The following FRMD4A variants were observed in gnomAD, a reference collection of about 807,000 sequenced individuals.
FRMD4A encodes FERM domain containing 4A, also known as FERM domain-containing protein 4A.
A neutral mutation model predicts 129.1 loss-of-function variants in FRMD4A; 29 were observed. The ratio of observed to expected loss-of-function variants is 0.22; its 90% confidence interval spans 0.17 to 0.31. The LOEUF (loss-of-function observed/expected upper bound fraction) is 0.31, where lower values mean the gene tolerates loss of function less well. FRMD4A is among the 10% of genes least tolerant of loss of function. FRMD4A has a pLI of 1.00. For missense variants in FRMD4A, 1,272 were observed against 1,375.8 expected, an observed-to-expected ratio of 0.92 and a Z score of 1.19; for synonymous variants, 634 against 571.6, an observed-to-expected ratio of 1.11 and a Z score of -1.56.
intron 2 of FRMD4A, among the ~76,000 whole-genome samples, chr10:14,181,093 C>T (rs753909615): frequency 2.6e-5 from 4 of 152,186 alleles, no homozygotes; most frequent in Non-Finnish European, 5.9e-5. Flanking sequence ...CCCTTGGAGA[C>T]TTTTCCCTTC....
chr10:14,065,806 C>T (rs1249663389), intron 2 of FRMD4A, among the ~76,000 whole-genome samples: 1 of 152,138 alleles, frequency 6.6e-6, no homozygotes, highest in Non-Finnish European at 1.5e-5. Context: ...CCCTGTGTGT[C>T]CCTGGCTGAA....
intron 3 of FRMD4A, among the ~76,000 whole-genome samples, chr10:13,846,346 C>T (rs1204809214): frequency 6.6e-6 from 1 of 152,168 alleles, no homozygotes; most frequent in Non-Finnish European, 1.5e-5. Flanking sequence ...ATAAAGGATG[C>T]TTACATTTTC....
chr10:14,254,398 A>C (rs1239076918), intron 2 of FRMD4A, among the ~76,000 whole-genome samples: 1 of 152,154 alleles, frequency 6.6e-6, no homozygotes, highest in Non-Finnish European at 1.5e-5. Context: ...TCTGAGGTGG[A>C]AGAAGGACAT....
intron 8 of FRMD4A, among the ~76,000 whole-genome samples, chr10:13,755,797 C>T (rs973386905): frequency 2.3e-4 from 35 of 152,230 alleles, no homozygotes; most frequent in Non-Finnish European, 2.9e-5. Context: ...GATATTCTCT[C>T]ACTTGGACTG....
chr10:14,125,106 A>G (rs1838759432), intron 2 of FRMD4A, among the ~76,000 whole-genome samples: 1 of 152,220 alleles, frequency 6.6e-6, no homozygotes, highest in African/African-American at 2.4e-5. Flanking sequence ...ACCGGAATGC[A>G]GCAGAAGTAA....
chr10:13,854,506 C>T (rs553413007), intron 3 of FRMD4A, among the ~76,000 whole-genome samples: 12 of 152,048 alleles, frequency 7.9e-5, no homozygotes, highest in East Asian at 5.8e-4. Flanking sequence ...CTGCAACCTC[C>T]GCCTCCCAGG....
In FRMD4A at chr10:14,239,621, C is replaced by A. The variant is rs534440098; in HGVS notation, c.45+90437G>T. Among the ~76,000 whole-genome samples the A allele has an allele frequency of 1.4e-4, 21 of 150,426 alleles. No individual in the cohort carries two copies. The East Asian group carries it at 3.7e-3, about 27-fold the overall frequency. ...CAGCCTGGGCGACATAGCGAGACTC[C>A]GTCTCAAGAAAAAACAAACAAACAA... On this transcript the variant is annotated intron_variant, in intron 2 of 24. Transcript: ENST00000357447.
chr10:14,092,690 T>C (rs789768), intron 2 of FRMD4A, among the ~76,000 whole-genome samples: 69,458 of 152,134 alleles, frequency 0.46, 16,185 homozygotes, highest in East Asian at 0.7. Flanking sequence ...GAGGACACTA[T>C]TGGGGCCCTG....
intron 12 of FRMD4A, among the ~76,000 whole-genome samples, chr10:13,736,583 A>G (rs1358950528): frequency 1.3e-5 from 2 of 152,182 alleles, no homozygotes; most frequent in Non-Finnish European, 2.9e-5. Context: ...TTTTTCTTCT[A>G]TCAATTTAAT....
intron 12 of FRMD4A, chr10:13,711,950 T>C (rs1273232271): frequency 6.6e-6 from 1 of 152,244 alleles, no homozygotes. Context: ...GAACAGCTCT[T>C]ACTGACTAAT....
chr10:13,930,554 T>C (rs1190341652), intron 2 of FRMD4A, among the ~76,000 whole-genome samples: 1 of 152,156 alleles, frequency 6.6e-6, no homozygotes, highest in Non-Finnish European at 1.5e-5. Context: ...CCCTGTGGTG[T>C]TGAAAATGAT....
chr10:13,682,825 A>G (rs999358333), intron 15 of FRMD4A, among the ~76,000 whole-genome samples: 1 of 151,862 alleles, frequency 6.6e-6, no homozygotes, highest in Non-Finnish European at 1.5e-5. Context: ...TTCATAGAAA[A>G]GGTCACAGAG....
At chr10:13,788,515 C>G (rs1482200035) in intron 5 of FRMD4A, among the ~76,000 whole-genome samples, 1 of 152,196 alleles carries the variant, frequency 6.6e-6, no homozygotes, top group African/African-American at 2.4e-5. Context: ...AATGTCTGTC[C>G]TCTCCTCATC....
rs1554859027 is a variant in FRMD4A at position 13,714,040 on chromosome 10, A to ATATTT, written c.760-6928_760-6927insAAATA. ...ATATAAAATATACATATATATATAT[A>ATATTT]TATATATATATATATATATAAAATA... On this transcript the variant is annotated intron_variant, in intron 12 of 24. Coordinates refer to ENST00000357447, the MANE Select transcript of FRMD4A (RefSeq NM_018027.5). Among the ~76,000 whole-genome samples, 75 of 37,088 alleles carry ATATTT rather than the reference A, an allele frequency of 2.0e-3. 14 individuals are homozygous for ATATTT. Among genetic ancestry groups the ATATTT allele is most frequent in the Non-Finnish European group, 2.8e-3 (57 of 20,522 alleles). 24.3% of individuals were successfully genotyped at this position (37,088 alleles called of 152,430 possible).
At chr10:14,075,970 G>A (rs1198651356) in intron 2 of FRMD4A, among the ~76,000 whole-genome samples, 1 of 152,176 alleles carries the variant, frequency 6.6e-6, no homozygotes, top group African/African-American at 2.4e-5. Flanking sequence ...CATGTTCATG[G>A]TAATGTAGCA....
intron 2 of FRMD4A, among the ~76,000 whole-genome samples, chr10:13,929,207 C>A (rs1681612928): frequency 6.6e-6 from 1 of 152,202 alleles, no homozygotes; most frequent in Admixed American, 6.5e-5. Context: ...ATAATCATAT[C>A]ATCACAGTGA....
chr10:14,235,961 A>G (rs1843798222), intron 2 of FRMD4A, among the ~76,000 whole-genome samples: 1 of 152,336 alleles, frequency 6.6e-6, no homozygotes, highest in East Asian at 1.9e-4. Context: ...CCTAGGCCAA[A>G]AGAGAGAGTG....
chr10:14,089,630 C>CAAAAAAAAAAAAAAAAAAAAAAAAAA (rs59553317), intron 2 of FRMD4A, among the ~76,000 whole-genome samples: 1 of 130,804 alleles, frequency 7.6e-6, no homozygotes, highest in Non-Finnish European at 1.6e-5. Flanking sequence ...AAAAAAAAAA[C>CAAAAAAAAAAAAAAAAAAAAAAAAAA]AAAAAAAAAC....
At chr10:14,109,471 T>C (rs1408954920) in intron 2 of FRMD4A, among the ~76,000 whole-genome samples, 1 of 152,212 alleles carries the variant, frequency 6.6e-6, no homozygotes, top group African/African-American at 2.4e-5. Flanking sequence ...TAGTTGTTTC[T>C]TTTAAAGGAC....
Sources: allele counts gnomAD v4.1 joint callset (sites outside exome capture counted in the v4.1 genomes callset), GRCh38; gene constraint gnomAD v4.1.1; transcripts MANE v1.5; gene names NCBI Gene and HGNC (gene_info 2026-07-23, HGNC 2026-07-21).